The following FGF7 variants were observed in gnomAD, a reference collection of about 807,000 sequenced individuals.
The protein encoded by FGF7 is fibroblast growth factor 7, also known as FGF-7.
A neutral mutation model predicts 20.5 loss-of-function variants in FGF7; 6 were observed. That is an observed-to-expected ratio of 0.29 (90% CI 0.16 to 0.58). The LOEUF (loss-of-function observed/expected upper bound fraction) is 0.58, where lower values mean the gene tolerates loss of function less well. Among genes scored for constraint, FGF7 ranks in the 20% least tolerant of loss-of-function variants. FGF7 has a pLI of 0.90. For missense variants in FGF7, 144 were observed against 228.8 expected (o/e 0.63, Z 2.39); for synonymous variants, 64 against 74.7 (o/e 0.86, Z 0.74).
Position 49,424,126 on chromosome 15 carries a change from G to A in FGF7, c.-172G>A. The A allele has an allele frequency of 5.5e-6, 3 of 546,192 alleles. No homozygotes were observed. Among genetic ancestry groups the A allele is most frequent in the Non-Finnish European group, 9.7e-6 (3 of 310,066 alleles). The allele number at this position is 546,192 out of a possible 1,614,324, so 33.8% of individuals were successfully genotyped here. On this transcript the variant is annotated 5_prime_UTR_variant, in exon 2 of 4. Transcript: ENST00000267843. ...AGAGTTATTTAAGGAGGAATCCTGTGTTGTTATCAGGAACTAAAAGGATAA... is the reference window on the plus strand; with the variant it reads ...AGAGTTATTTAAGGAGGAATCCTGTATTGTTATCAGGAACTAAAAGGATAA...
chr15:49,470,328 T>C (rs753213019), intron 2 of FGF7, among the ~76,000 whole-genome samples: 43 of 152,292 alleles, frequency 2.8e-4, no homozygotes, highest in South Asian at 6.2e-4. Context: ...AAGTCAGATA[T>C]GAAATTTTTT....
intron 2 of FGF7, among the ~76,000 whole-genome samples, chr15:49,425,899 G>A (rs964835843): frequency 6.6e-6 from 1 of 151,504 alleles, no homozygotes; most frequent in Non-Finnish European, 1.5e-5. Flanking sequence ...CTAAGGAAAT[G>A]ACTATTTGGA....
intron 2 of FGF7, among the ~76,000 whole-genome samples, chr15:49,442,188 C>T (rs1162938925): frequency 6.6e-6 from 1 of 151,510 alleles, no homozygotes; most frequent in Non-Finnish European, 1.5e-5. Context: ...CTACTGTTTG[C>T]TAATGGAAAG....
intron 2 of FGF7, among the ~76,000 whole-genome samples, chr15:49,452,197 A>G (rs2052819309): frequency 6.6e-6 from 1 of 152,058 alleles, no homozygotes; most frequent in Non-Finnish European, 1.5e-5. Flanking sequence ...GCATGCTACC[A>G]TGCCCAGCTA....
At position 49,465,851 on chromosome 15, in the gene FGF7, TAAC is replaced by T. The variant is rs2054221488; in HGVS notation, c.287-17297_287-17295del. ...TGTTAATTCTTTAATCTTGGAATAATAACAATCATATGCCAACTTATAATTTGA... is the reference window on the plus strand; with the variant it reads ...TGTTAATTCTTTAATCTTGGAATAATAATCATATGCCAACTTATAATTTGA... On this transcript the variant is annotated intron_variant, in intron 2 of 3. Coordinates refer to ENST00000267843, the MANE Select transcript of FGF7 (RefSeq NM_002009.4). Among the ~76,000 whole-genome samples, 7 of 152,320 alleles carry T rather than the reference TAAC, an allele frequency of 4.6e-5. No individual in the cohort carries two copies. In the South Asian group the frequency reaches 1.5e-3, roughly 32 times the overall value.
At chr15:49,446,730 G>T (rs2052255242) in intron 2 of FGF7, among the ~76,000 whole-genome samples, 1 of 151,558 alleles carries the variant, frequency 6.6e-6, no homozygotes, top group Admixed American at 6.6e-5. Flanking sequence ...CTAGTGAACA[G>T]ATAAAATGCT....
At chr15:49,479,487 C>G (rs1287761551) in intron 2 of FGF7, among the ~76,000 whole-genome samples, 1 of 151,120 alleles carries the variant, frequency 6.6e-6, no homozygotes, top group Non-Finnish European at 1.5e-5. Flanking sequence ...GTATAATTAA[C>G]TTATATTGGT....
At chr15:49,439,644 T>C (rs1393976416) in intron 2 of FGF7, among the ~76,000 whole-genome samples, 1 of 151,768 alleles carries the variant, frequency 6.6e-6, no homozygotes, top group African/African-American at 2.4e-5. Context: ...TGAACAAGCC[T>C]GAGAAGTAGA....
chr15:49,433,143 A>G (rs2050763497), intron 2 of FGF7, among the ~76,000 whole-genome samples: 2 of 151,412 alleles, frequency 1.3e-5, no homozygotes, highest in Admixed American at 1.3e-4. Context: ...ATTAATCTCC[A>G]CATTCTTCAA....
At chr15:49,471,639 T>C (rs1005016149) in intron 2 of FGF7, among the ~76,000 whole-genome samples, 9 of 152,094 alleles carry the variant, frequency 5.9e-5, no homozygotes, top group African/African-American at 2.2e-4. Context: ...TGGAAAGTTA[T>C]GATTTTCTAA....
chr15:49,476,209 G>A (rs928888128), intron 2 of FGF7, among the ~76,000 whole-genome samples: 22 of 91,784 alleles, frequency 2.4e-4, no homozygotes, highest in Non-Finnish European at 4.6e-4. Context: ...TATTTATTTT[G>A]CTGTTTTGTT....
At chr15:49,440,771 A>G (rs1268934721) in intron 2 of FGF7, among the ~76,000 whole-genome samples, 1 of 151,694 alleles carries the variant, frequency 6.6e-6, no homozygotes, top group African/African-American at 2.4e-5. Flanking sequence ...TCAGGACCTG[A>G]ACTCAGGGCT....
intron 2 of FGF7, among the ~76,000 whole-genome samples, chr15:49,435,073 TA>T (rs1178869810): frequency 6.6e-6 from 1 of 151,464 alleles, no homozygotes; most frequent in Non-Finnish European, 1.5e-5. Context: ...ACATACAAAA[TA>T]GTATACATTA....
chr15:49,461,937 A>C (rs576155260), intron 2 of FGF7, among the ~76,000 whole-genome samples: 2 of 152,336 alleles, frequency 1.3e-5, no homozygotes, highest in South Asian at 4.1e-4. Flanking sequence ...TGGGAGGCCG[A>C]AGCAGGCAGA....
intron 2 of FGF7, among the ~76,000 whole-genome samples, chr15:49,432,536 G>A (rs1025798545): frequency 1.5e-4 from 22 of 151,604 alleles, no homozygotes; most frequent in African/African-American, 5.1e-4. Context: ...TGGTTTGGGT[G>A]GAATATTTAA....
intron 2 of FGF7, chr15:49,425,196 G>A (rs1255128510): frequency 6.6e-6 from 1 of 151,908 alleles, no homozygotes; most frequent in Admixed American, 6.6e-5. Context: ...CTCTCCTAAC[G>A]TTTTCCTTAA....
chr15:49,461,346 T>A (rs538980390), intron 2 of FGF7, among the ~76,000 whole-genome samples: 1 of 152,324 alleles, frequency 6.6e-6, no homozygotes, highest in African/African-American at 2.4e-5. Flanking sequence ...ACTGAGTAGG[T>A]ATACAGTCAA....
chr15:49,450,231 GAAC>G (rs927700530), intron 2 of FGF7, among the ~76,000 whole-genome samples: 11 of 152,040 alleles, frequency 7.2e-5, no homozygotes, highest in African/African-American at 2.7e-4. Context: ...AATAACAATT[GAAC>G]AACTGATGAA....
chr15:49,424,651 G>A, intron 2 of FGF7, 68 bp downstream of exon 2: 1 of 1,203,874 alleles, frequency 8.3e-7, no homozygotes, highest in Non-Finnish European at 1.1e-6. Flanking sequence ...CAGGTGATAT[G>A]TTTTCTCATC....
Sources: gnomAD v4.1 joint callset for allele counts (sites outside exome capture counted in the v4.1 genomes callset) on GRCh38, gnomAD v4.1.1 for gene constraint, MANE v1.5 for transcripts, NCBI Gene and HGNC (gene_info 2026-07-23, HGNC 2026-07-21) for gene names.